GYS2: variants seen among roughly 807,000 people sequenced by gnomAD.
GYS2 encodes the protein glycogen [starch] synthase, liver.
GYS2 carries 80 observed loss-of-function variants against 85.6 expected under a neutral mutation model. The observed-to-expected ratio is 0.93, with a 90% confidence interval of 0.78 to 1.13. GYS2 has a LOEUF of 1.13. Ranked by LOEUF, GYS2 falls within the 50% of genes most tolerant of loss-of-function variation. The pLI is 0.00. For missense variants in GYS2, 881 were observed against 854.9 expected, an observed-to-expected ratio of 1.03 and a Z score of -0.38; for synonymous variants, 328 against 300.7, an observed-to-expected ratio of 1.09 and a Z score of -0.94.
intron 2 of GYS2, among the ~76,000 whole-genome samples, chr12:21,577,964 C>T (rs908332924): frequency 2.6e-5 from 4 of 152,160 alleles, no homozygotes; most frequent in Non-Finnish European, 5.9e-5. Flanking sequence ...TTATCCTGCA[C>T]ACTTAACCTC....
intron 7 of GYS2, among the ~76,000 whole-genome samples, chr12:21,562,042 T>C (rs1944259397): frequency 6.6e-6 from 1 of 152,234 alleles, no homozygotes; most frequent in African/African-American, 2.4e-5. Context: ...GATTGGAATA[T>C]AAACCAATAG....
At position 21,575,843 on chromosome 12, in the gene GYS2, T is replaced by A. The variant is rs184180320; in HGVS notation, c.495+23A>T. On this transcript the variant is annotated intron_variant, in intron 3 of 15. Transcript: ENST00000261195. ...AAGCAGTTGTGCTGCTCCTCCGTTG[T>A]ATCACTATATAATAAACCATACCTC... 4,751 of 1,566,170 alleles carry A rather than the reference T, an allele frequency of 3.0e-3. 13 individuals carry two copies. The highest frequency in any genetic ancestry group is 3.9e-3 in the Non-Finnish European group (4,396 of 1,136,556).
chr12:21,600,540 T>G (rs976288599), intron 1 of GYS2, among the ~76,000 whole-genome samples: 4 of 152,138 alleles, frequency 2.6e-5, no homozygotes, highest in Admixed American at 2.6e-4. Context: ...CTTTTCATTT[T>G]GCTCTAGAGA....
At position 21,542,692 on chromosome 12, in the gene GYS2, T is replaced by C. The variant is rs565769486; in HGVS notation, c.1550-101A>G. 174 of 743,682 alleles carry C rather than the reference T, an allele frequency of 2.3e-4. No individual in the cohort carries two copies. The African/African-American group carries it at 2.4e-3, about 10-fold the overall frequency. 46.1% of individuals were successfully genotyped at this position (743,682 alleles called of 1,614,324 possible). ...GCCCTAGTCCTCCTAAGAATAGCAA[T>C]GTTCACTATGTGTCAGTCACAACAC... is the stretch of plus-strand genomic sequence containing the variant. On this transcript the variant is annotated intron_variant, in intron 12 of 15. Transcript: ENST00000261195.
chr12:21,558,363 G>T, intron 10 of GYS2, 50 bp from the exon 11 acceptor site: 1 of 1,167,572 alleles, frequency 8.6e-7, no homozygotes. Context: ...AATTAATAAG[G>T]GTGACTAATT....
In GYS2 at chr12:21,536,983, TC is replaced by T; in HGVS notation, c.2082del (p.Lys696SerfsTer18). ...TTCTTATATTCACCATGCAGCTTTT[TC>T]TTCCCATGAGGAACGTGGCTCAGTG... The part of the protein sequence containing the change: ...PFSLSHVPHG[K>X]KKLHGEYKN On this transcript the variant is annotated frameshift_variant, in exon 16 of 16. Coordinates refer to ENST00000261195, the MANE Select transcript of GYS2 (RefSeq NM_021957.4). LOFTEE classifies it high-confidence loss of function. 6.2e-7 allele frequency: 1 copy of T among 1,613,798 alleles called. No individual in the cohort carries two copies.
chr12:21,557,137 G>T (rs1191732385), intron 11 of GYS2, among the ~76,000 whole-genome samples: 2 of 152,162 alleles, frequency 1.3e-5, no homozygotes, highest in East Asian at 3.8e-4. Context: ...TATCAATTAG[G>T]TCATCTGCTA....
At chr12:21,561,788 A>G (rs535632807) in intron 7 of GYS2, among the ~76,000 whole-genome samples, 1 of 152,288 alleles carries the variant, frequency 6.6e-6, no homozygotes, top group African/African-American at 2.4e-5. Context: ...TCTGTTTTGC[A>G]TAGTTGGATT....
At chr12:21,595,713 T>C (rs1050537034) in intron 1 of GYS2, among the ~76,000 whole-genome samples, 1 of 152,146 alleles carries the variant, frequency 6.6e-6, no homozygotes. Context: ...CATTATATAA[T>C]GGTAAAAGGC....
rs1944353528 is a variant in GYS2, at chr12:21,568,865, C to T, written c.823G>A (p.Asp275Asn). The T allele has an allele frequency of 1.9e-6, 3 of 1,611,822 alleles. No homozygotes were observed. The South Asian group carries it at 3.3e-5, about 18-fold the overall frequency. The change falls in exon 5 of 16, where the codon GAT (aspartate) becomes AAT (asparagine). Residue 275 changes from aspartate (D) to asparagine (N), a missense_variant and splice_region_variant. Asp to Asn is a conservative substitution (Grantham distance 23, BLOSUM62 1). Transcript: ENST00000261195. ...TAGGTGATCCAGGGATAATAATTAC[C>T]AGGCTTTCTCTTCAGCATATGTTCA... Reference protein sequence around the residue: ...EAEHMLKRKPDVVTPNGLNVK... With the variant: ...EAEHMLKRKPNVVTPNGLNVK...
At chr12:21,595,635 AT>A (rs1452814168) in intron 1 of GYS2, among the ~76,000 whole-genome samples, 4 of 106 alleles carry the variant, frequency 0.038, no homozygotes, top group Non-Finnish European at 0.087. Context: ...TTTCATGCAA[AT>A]GGCCACCAAA....
chr12:21,558,351 A>T, intron 10 of GYS2, 38 bp from the exon 11 acceptor site: 1 of 1,256,636 alleles, frequency 8.0e-7, no homozygotes, highest in South Asian at 1.2e-5. Flanking sequence ...AATTGCGGAA[A>T]GAATTAATAA....
rs760649869 is a variant in GYS2 at position 21,575,921 on chromosome 12, C to G, written c.440G>C (p.Arg147Pro). Residue 147 changes from arginine to proline, a missense_variant, in exon 3 of 16, where the codon CGA becomes CCA. Arg to Pro is a moderately radical substitution (Grantham distance 103). Transcript: ENST00000261195. ...ACSVGIPYHD[R>P]EANDMLIFGS... ...AAATATCAGCATATCATTGGCTTCT[C>G]GGTCATGATAAGGAATGCCGACACT... 1.2e-6 allele frequency: 2 copies of G among 1,613,852 alleles called. No homozygotes were observed. The highest frequency in any genetic ancestry group is 1.7e-6 in the Non-Finnish European group (2 of 1,179,774).
intron 12 of GYS2, among the ~76,000 whole-genome samples, chr12:21,543,308 A>G (rs551174203): frequency 5.2e-4 from 79 of 152,300 alleles, no homozygotes; most frequent in African/African-American, 1.8e-3. Context: ...TCTAGACAGC[A>G]ACCTTATCTC....
At chr12:21,564,601 C>T (rs1944296041) in intron 5 of GYS2, among the ~76,000 whole-genome samples, 1 of 152,064 alleles carries the variant, frequency 6.6e-6, no homozygotes, top group Non-Finnish European at 1.5e-5. Flanking sequence ...ACATACATGG[C>T]CACAGTAGAA....
At chr12:21,582,477 C>T (rs565631665) in intron 1 of GYS2, among the ~76,000 whole-genome samples, 3 of 152,164 alleles carry the variant, frequency 2.0e-5, no homozygotes, top group South Asian at 4.2e-4. Flanking sequence ...TTTGGGACTC[C>T]GACTAGCTTC....
chr12:21,541,667 T>C (rs531954175), intron 13 of GYS2, among the ~76,000 whole-genome samples: 18 of 152,296 alleles, frequency 1.2e-4, no homozygotes, highest in Admixed American at 4.6e-4. Flanking sequence ...AGCATTCTTA[T>C]GTTATCTGTG....
At chr12:21,554,823 T>C (rs180980958) in intron 11 of GYS2, among the ~76,000 whole-genome samples, 1 of 152,346 alleles carries the variant, frequency 6.6e-6, no homozygotes, top group East Asian at 1.9e-4. Flanking sequence ...AATAAGGTAC[T>C]TTTCCATTCC....
At chr12:21,534,287 C>T (rs1254352804), downstream of GYS2, among the ~76,000 whole-genome samples, 2 of 152,082 alleles carry the variant, frequency 1.3e-5, no homozygotes, top group Non-Finnish European at 2.9e-5. Context: ...AAGGTGGGCA[C>T]ATCACTTGAG....
Sources: gnomAD v4.1 joint callset for allele counts (sites outside exome capture counted in the v4.1 genomes callset) on GRCh38, gnomAD v4.1.1 for gene constraint, MANE v1.5 for transcripts, NCBI Gene and HGNC (gene_info 2026-07-23, HGNC 2026-07-21) for gene names.